Variants in PKP4 observed in about 807,000 individuals in gnomAD.
PKP4 encodes plakophilin-4.
In PKP4, 90 loss-of-function variants were observed where a neutral mutation model predicts 145.1. The observed-to-expected ratio is 0.62, with a 90% confidence interval of 0.52 to 0.74. The LOEUF (loss-of-function observed/expected upper bound fraction) is 0.74. PKP4 is among the 30% of genes least tolerant of loss of function. The pLI is 0.00. For synonymous variants in PKP4, 563 were observed against 577.2 expected (o/e 0.98, Z 0.35); for missense variants, 1,340 against 1,482.7 (o/e 0.90, Z 1.58).
chr2:158,587,793 C>G (rs1420249829), intron 3 of PKP4, among the ~76,000 whole-genome samples: 2 of 151,960 alleles, frequency 1.3e-5, no homozygotes, highest in African/African-American at 2.4e-5. Flanking sequence ...GCCACATTTT[C>G]TCTTCCCCAT....
chr2:158,676,141 A>G (rs576963986), intron 19 of PKP4, among the ~76,000 whole-genome samples: 1 of 152,308 alleles, frequency 6.6e-6, no homozygotes, highest in South Asian at 2.1e-4. Flanking sequence ...CTAATGAGCC[A>G]GGCTTACTGG....
At chr2:158,486,192 A>G (rs1694145175) in intron 1 of PKP4, among the ~76,000 whole-genome samples, 1 of 152,198 alleles carries the variant, frequency 6.6e-6, no homozygotes, top group South Asian at 2.1e-4. Flanking sequence ...TAATTAAACT[A>G]GTTGTTTCCT....
At chr2:158,543,042 G>A (rs900355662) in intron 2 of PKP4, among the ~76,000 whole-genome samples, 2 of 152,036 alleles carry the variant, frequency 1.3e-5, no homozygotes, top group Non-Finnish European at 2.9e-5. Flanking sequence ...AAATCTTTCA[G>A]GTTATTTTGG....
At chr2:158,521,256 A>C (rs926151964) in intron 1 of PKP4, among the ~76,000 whole-genome samples, 2 of 152,158 alleles carry the variant, frequency 1.3e-5, no homozygotes. Context: ...CTGTTTTGCC[A>C]TTCTGGTGCT....
intron 3 of PKP4, among the ~76,000 whole-genome samples, chr2:158,598,156 A>G (rs985478310): frequency 2.0e-5 from 3 of 152,132 alleles, no homozygotes; most frequent in Non-Finnish European, 4.4e-5. Flanking sequence ...AAATTTTGCA[A>G]TTTGACCGTA....
At chr2:158,457,923 A>G in intron 1 of PKP4, 1 of 152,304 alleles carries the variant, frequency 6.6e-6, no homozygotes, top group Non-Finnish European at 1.5e-5. Flanking sequence ...CCCTGCCAGG[A>G]GTTGAAGCGG....
chr2:158,665,748 A>G (rs1401768236), intron 15 of PKP4: 2 of 152,224 alleles, frequency 1.3e-5, no homozygotes, highest in Admixed American at 6.5e-5. Flanking sequence ...GAGTTGCTTC[A>G]TAGTCACAGA....
chr2:158,640,182 A>G (rs527381453), intron 9 of PKP4, among the ~76,000 whole-genome samples: 2 of 152,312 alleles, frequency 1.3e-5, no homozygotes, highest in South Asian at 2.1e-4. Flanking sequence ...TCAGGCCCAC[A>G]ATGTTTGTGA....
chr2:158,488,171 A>G (rs1694442293), intron 1 of PKP4, among the ~76,000 whole-genome samples: 1 of 152,196 alleles, frequency 6.6e-6, no homozygotes, highest in South Asian at 2.1e-4. Context: ...TCACATTGTC[A>G]TGAAACCAAA....
intron 1 of PKP4, among the ~76,000 whole-genome samples, chr2:158,501,646 C>G (rs946572787): frequency 1.3e-5 from 2 of 152,190 alleles, no homozygotes; most frequent in African/African-American, 4.8e-5. Context: ...CCCTGCCATG[C>G]CATCTGATGT....
Position 158,577,320 on chromosome 2 carries a change from T to C in PKP4, c.182T>C (p.Ile61Thr). The C allele has an allele frequency of 1.9e-6, 3 of 1,613,470 alleles. No individual in the cohort carries two copies. The highest frequency in any genetic ancestry group is 2.5e-6 in the Non-Finnish European group (3 of 1,179,818). ...CGAGAACTGGAAGTGGAAAGGCAGA[T>C]TGTTGCCAGTCAGCTAGAAAGATGT... Reference protein sequence around the residue: ...LTRELEVERQIVASQLERCRL... With the variant: ...LTRELEVERQTVASQLERCRL... The change falls in exon 3 of 22, where the codon ATT becomes ACT. Residue 61 changes from isoleucine to threonine, a missense_variant. Coordinates refer to ENST00000389759, the MANE Select transcript of PKP4 (RefSeq NM_003628.6).
intron 2 of PKP4, chr2:158,548,354 T>C (rs1358570104): frequency 6.6e-6 from 1 of 152,244 alleles, no homozygotes; most frequent in East Asian, 1.9e-4. Context: ...TTCTTTATGT[T>C]AACCCTGAAG....
chr2:158,676,313 T>C (rs947676355), intron 19 of PKP4, among the ~76,000 whole-genome samples: 1 of 152,160 alleles, frequency 6.6e-6, no homozygotes, highest in African/African-American at 2.4e-5. Flanking sequence ...TAAAGGATAA[T>C]AGGTGGGTAT....
intron 1 of PKP4, among the ~76,000 whole-genome samples, chr2:158,503,949 T>C (rs1435495270): frequency 6.9e-6 from 1 of 145,062 alleles, no homozygotes; most frequent in Non-Finnish European, 1.5e-5. Context: ...GTTTTAGGAT[T>C]TCTGGTAAAT....
At chr2:158,483,841 T>C (rs1693732547) in intron 1 of PKP4, among the ~76,000 whole-genome samples, 1 of 152,156 alleles carries the variant, frequency 6.6e-6, no homozygotes, top group South Asian at 2.1e-4. Context: ...TAACAAATAA[T>C]TTGAAAGGTA....
chr2:158,493,065 C>G (rs893253412), intron 1 of PKP4, among the ~76,000 whole-genome samples: 3 of 152,124 alleles, frequency 2.0e-5, no homozygotes, highest in East Asian at 1.9e-4. Flanking sequence ...TTGTCTCATT[C>G]TTTTTGCCAG....
At chr2:158,465,088 C>T (rs918702784) in intron 1 of PKP4, among the ~76,000 whole-genome samples, 3 of 152,142 alleles carry the variant, frequency 2.0e-5, no homozygotes, top group Non-Finnish European at 4.4e-5. Context: ...ATGGGAGTCT[C>T]GGTCTTTAAG....
intron 4 of PKP4, among the ~76,000 whole-genome samples, chr2:158,611,415 A>G (rs911329631): frequency 1.3e-5 from 2 of 152,242 alleles, no homozygotes; most frequent in Non-Finnish European, 2.9e-5. Context: ...TCTAAAATGT[A>G]TAGATACAAG....
intron 12 of PKP4, 78 bp downstream of exon 12, chr2:158,658,392 T>G (rs917917760): frequency 8.1e-6 from 7 of 861,690 alleles, no homozygotes; most frequent in Non-Finnish European, 1.1e-5. Context: ...TAGGAGGACT[T>G]ACTTTATTAA....
Sources: gnomAD v4.1 joint callset for allele counts (sites outside exome capture counted in the v4.1 genomes callset) on GRCh38, gnomAD v4.1.1 for gene constraint, MANE v1.5 for transcripts, NCBI Gene and HGNC (gene_info 2026-07-23, HGNC 2026-07-21) for gene names.